MAP1S: variants seen among roughly 807,000 people sequenced by gnomAD.
MAP1S encodes microtubule associated protein 1S, also known as microtubule-associated protein 1S.
A neutral mutation model predicts 60.9 loss-of-function variants in MAP1S; 27 were observed. That is an observed-to-expected ratio of 0.44 (90% CI 0.33 to 0.61). The LOEUF (loss-of-function observed/expected upper bound fraction) is 0.61, where lower values mean the gene tolerates loss of function less well. Among genes scored for constraint, MAP1S ranks in the 20% least tolerant of loss-of-function variants. MAP1S has a pLI of 0.03. For missense variants in MAP1S, 1,608 were observed against 1,486.6 expected, an observed-to-expected ratio of 1.08 and a Z score of -1.34; for synonymous variants, 826 against 694.2, an observed-to-expected ratio of 1.19 and a Z score of -2.98.
Position 17,724,915 on chromosome 19 carries a change from G to C in MAP1S, c.304-134G>C. ...GACCTGGAGACTGCCTTCGTAGCTAGTTGAGCACTGGGCTGGTCGTGGGGT... is the reference window on the plus strand; with the variant it reads ...GACCTGGAGACTGCCTTCGTAGCTACTTGAGCACTGGGCTGGTCGTGGGGT... On this transcript the variant is annotated intron_variant, in intron 3 of 6. Transcript: ENST00000324096. 4.5e-6 allele frequency: 5 copies of C among 1,113,178 alleles called. No individual in the cohort carries two copies. In the South Asian group the frequency reaches 6.6e-5, roughly 15 times the overall value. The allele number at this position is 1,113,178 out of a possible 1,614,324, so 69.0% of individuals were successfully genotyped here.
At chr19:17,724,854 A>C (rs1255606481) in intron 3 of MAP1S, among the ~76,000 whole-genome samples, 195 bp from the exon 4 acceptor site, 2 of 152,038 alleles carry the variant, frequency 1.3e-5, no homozygotes, top group African/African-American at 2.4e-5. Flanking sequence ...TAGGATGAAT[A>C]GGAGTTTGCT....
rs761266324 is a variant in MAP1S at position 17,721,050 on chromosome 19, T to G, written c.220+13T>G. On this transcript the variant is annotated intron_variant, in intron 2 of 6. Transcript: ENST00000324096. ...AGCATTGTGAAAGGTGAGGCTGGGG[T>G]CCCCCTGACTGCTCCCTACCTCTTG... 4 of 1,603,358 alleles carry G rather than the reference T, an allele frequency of 2.5e-6. No individual in the cohort carries two copies. Among genetic ancestry groups the G allele is most frequent in the Non-Finnish European group, 2.6e-6 (3 of 1,170,500 alleles).
intron 2 of MAP1S, among the ~76,000 whole-genome samples, chr19:17,721,695 CAAA>C (rs370362650): frequency 6.6e-6 from 1 of 152,038 alleles, no homozygotes; most frequent in Admixed American, 6.6e-5. Flanking sequence ...AACAAACAAA[CAAA>C]AAACATCTGG....
rs1214785607 is a variant in MAP1S, at chr19:17,726,033, T to G, written c.649T>G (p.Ser217Ala). 1 of 1,612,814 alleles carries G rather than the reference T, an allele frequency of 6.2e-7. No individual in the cohort carries two copies. The highest frequency in any genetic ancestry group is 1.3e-5 in the African/African-American group (1 of 74,870). ...CGAATTCCTGGAGTACGTGGCTGAG[T>G]CTCTGGAGCCACCGTCCCCCTTCGA... is the stretch of plus-strand genomic sequence containing the variant. ...LCEFLEYVAE[S>A]LEPPSPFELL... Residue 217 changes from serine (S) to alanine (A), a missense_variant, in exon 5 of 7, where the codon TCT becomes GCT. Coordinates refer to ENST00000324096, the MANE Select transcript of MAP1S (RefSeq NM_018174.6).
Position 17,725,901 on chromosome 19 carries a change from G to A in MAP1S, c.517G>A (p.Gly173Ser), listed in dbSNP as rs1273934523. ...PILTITCPTF[G>S]DWAQLAPAVP... The stretch of plus-strand genomic sequence containing the variant: ...ACTCACCATCACCTGCCCCACCTTC[G>A]GTGACTGGGCTCAGCTGGCACCCGC... Residue 173 changes from glycine (G) to serine (S), a missense_variant, in exon 5 of 7, where the codon GGT becomes AGT. Gly to Ser is a moderately conservative substitution (Grantham distance 56). Coordinates refer to ENST00000324096, the MANE Select transcript of MAP1S (RefSeq NM_018174.6). This position sits in a 1 kb window ranked among gnomAD's most constrained non-coding sequence, Gnocchi z 4.2. 3 of 1,613,782 alleles carry A rather than the reference G, an allele frequency of 1.9e-6. No homozygotes were observed. The highest frequency in any genetic ancestry group is 2.2e-5 in the East Asian group (1 of 44,878).
chr19:17,724,286 G>A, intron 3 of MAP1S, 78 bp downstream of exon 3: 4 of 1,171,286 alleles, frequency 3.4e-6, no homozygotes, highest in Admixed American at 3.7e-5. Flanking sequence ...TCGTGTCCTT[G>A]TCTTCATGCT....
At chr19:17,723,576 C>T (rs888527277) in intron 2 of MAP1S, among the ~76,000 whole-genome samples, 7 of 142,008 alleles carry the variant, frequency 4.9e-5, no homozygotes, top group Admixed American at 7.0e-5. Context: ...AAAGGCCGGG[C>T]GCGGTGGCTC....
In MAP1S at chr19:17,733,320, C is replaced by T. The variant is rs142408858; in HGVS notation, c.2916C>T (p.Arg972=). 38 of 1,605,450 alleles carry T rather than the reference C, an allele frequency of 2.4e-5. No individual in the cohort carries two copies. The highest frequency in any genetic ancestry group is 2.7e-5 in the Non-Finnish European group (32 of 1,177,070). The change falls in exon 6 of 7, where the codon CGC becomes CGT. Residue 972 remains arginine (R), a synonymous_variant. Transcript: ENST00000324096. ...LVDEEFFQRV[R]ALCYVISGQD... The stretch of plus-strand genomic sequence containing the variant: ...ATGAGGAGTTCTTCCAGCGCGTGCG[C>T]GCGCTCTGCTACGTCATCAGTGGCC...
At position 17,726,227 on chromosome 19, in the gene MAP1S, C is replaced by T. The variant is rs766378496; in HGVS notation, c.843C>T (p.His281=). Residue 281 remains histidine, a synonymous_variant, in exon 5 of 7, where the codon CAC becomes CAT. Transcript: ENST00000324096. ...CCAGTTTCTGGAAGCTGGTGCGGCA[C>T]CTGGACCGCGTGGATGCCGTGCTGG... is the stretch of plus-strand genomic sequence containing the variant. The part of the protein sequence containing the change: ...PKSSFWKLVR[H]LDRVDAVLVT... 1.2e-6 allele frequency: 2 copies of T among 1,609,498 alleles called. No individual in the cohort carries two copies. The highest frequency in any genetic ancestry group is 8.5e-7 in the Non-Finnish European group (1 of 1,178,286).
rs3761055 is a variant in MAP1S, at chr19:17,725,022, T to G, written c.304-27T>G. 356,178 of 1,612,938 alleles carry G rather than the reference T, an allele frequency of 0.22. 43,568 individuals are homozygous for G. The highest frequency in any genetic ancestry group is 0.49 in the African/African-American group (36,632 of 74,802). On this transcript the variant is annotated intron_variant, in intron 3 of 6. Transcript: ENST00000324096. This position sits in a 1 kb window ranked among gnomAD's most constrained non-coding sequence, Gnocchi z 4.2. ...TGGATACGTCACTGCACAGAACGGG[T>G]CCTTTAGTGTTCACCCCCTCCCTCA... is the stretch of plus-strand genomic sequence containing the variant.
In MAP1S at chr19:17,725,738, G is replaced by T. The variant is rs1282194443; in HGVS notation, c.445-91G>T. 4.5e-5 allele frequency: 60 copies of T among 1,333,736 alleles called. No individual in the cohort carries two copies. Among genetic ancestry groups the T allele is most frequent in the Non-Finnish European group, 5.5e-5 (54 of 975,038 alleles). The allele number at this position is 1,333,736 out of a possible 1,614,324, so 82.6% of individuals were successfully genotyped here. Reference sequence around the variant, plus strand: ...AGGGCCCTGAGGAGCAGGCCCTGGGGGAAAGGATGAGGGTGTCCTCGCCCA... The same window carrying T: ...AGGGCCCTGAGGAGCAGGCCCTGGGTGAAAGGATGAGGGTGTCCTCGCCCA... On this transcript the variant is annotated intron_variant, in intron 4 of 6. Coordinates refer to ENST00000324096, the MANE Select transcript of MAP1S (RefSeq NM_018174.6). This position sits in a 1 kb window ranked among gnomAD's most constrained non-coding sequence, Gnocchi z 4.2.
Position 17,733,335 on chromosome 19 carries a change from C to T in MAP1S, c.2931C>T (p.Val977=), listed in dbSNP as rs1385259444. 2 of 1,609,252 alleles carry T rather than the reference C, an allele frequency of 1.2e-6. No homozygotes were observed. Among genetic ancestry groups the T allele is most frequent in the African/African-American group, 1.3e-5 (1 of 74,864 alleles). The change falls in exon 6 of 7, where the codon GTC becomes GTT. Residue 977 remains valine (V), a synonymous_variant. Coordinates refer to ENST00000324096, the MANE Select transcript of MAP1S (RefSeq NM_018174.6). Reference sequence around the variant, plus strand: ...AGCGCGTGCGCGCGCTCTGCTACGTCATCAGTGGCCAGGACCAGCGCAAGG... The same window carrying T: ...AGCGCGTGCGCGCGCTCTGCTACGTTATCAGTGGCCAGGACCAGCGCAAGG... The part of the protein sequence containing the change: ...FFQRVRALCY[V]ISGQDQRKEE...
Position 17,728,000 on chromosome 19 carries a change from C to G in MAP1S, c.2616C>G (p.Arg872=). ...AGCCCCTGGCCCGCCCCAACTCACG[C>G]GCTGCCGCCCCCAAAGCCACTCCAG... is the stretch of plus-strand genomic sequence containing the variant. ...TRKPLARPNS[R]AAAPKATPVA... The change falls in exon 5 of 7, where the codon CGC becomes CGG. Residue 872 remains arginine, a synonymous_variant. Transcript: ENST00000324096. The surrounding 1 kb of genome is among the most constrained non-coding windows in gnomAD (Gnocchi z 4.1). 1.9e-6 allele frequency: 3 copies of G among 1,611,046 alleles called. No individual in the cohort carries two copies. Among genetic ancestry groups the G allele is most frequent in the South Asian group, 2.2e-5 (2 of 90,824 alleles).
intron 1 of MAP1S, chr19:17,719,989 A>T: frequency 9.4e-6 from 4 of 425,474 alleles, no homozygotes; most frequent in East Asian, 1.5e-4. Context: ...GTCGCTTTGG[A>T]TCTCCAGGTC....
rs774692328 is a variant in MAP1S, at chr19:17,734,480, C to A, written c.*52C>A. The stretch of plus-strand genomic sequence containing the variant: ...AGCCCAGCCCGCCTGTCCCTAGATT[C>A]AGCCACATCAGAAATAAACTGTGAC... On this transcript the variant is annotated 3_prime_UTR_variant, in exon 7 of 7. Coordinates refer to ENST00000324096, the MANE Select transcript of MAP1S (RefSeq NM_018174.6). 1.3e-6 allele frequency: 2 copies of A among 1,565,050 alleles called. No homozygotes were observed. Among genetic ancestry groups the A allele is most frequent in the Non-Finnish European group, 1.7e-6 (2 of 1,154,228 alleles).
intron 1 of MAP1S, chr19:17,720,630 A>T: frequency 2.1e-6 from 2 of 953,168 alleles, no homozygotes; most frequent in Non-Finnish European, 3.0e-6. Flanking sequence ...GGCAGGGGAA[A>T]CAGCTGTTGC....
In MAP1S at chr19:17,726,326, G is replaced by A; in HGVS notation, c.942G>A (p.Glu314=). 6.2e-7 allele frequency: 1 copy of A among 1,603,316 alleles called. No individual in the cohort carries two copies. The change falls in exon 5 of 7, where the codon GAG becomes GAA. Residue 314 remains glutamate (E), a synonymous_variant. Transcript: ENST00000324096. ...GGCGCAAACTGGCGGAGCGCTCCGA[G>A]GTGGCTGCTGGTGGGGGCTCCTGGG... ...LLRRKLAERS[E]VAAGGGSWDD... is the part of the protein sequence containing the mutation.
chr19:17,720,580 C>T lies in MAP1S; in HGVS notation c.119-356C>T, dbSNP rs974969001. 1.7e-5 allele frequency: 23 copies of T among 1,364,126 alleles called. No individual in the cohort carries two copies. In the African/African-American group the frequency reaches 3.4e-4, roughly 20 times the overall value. The allele number at this position is 1,364,126 out of a possible 1,614,324, so 84.5% of individuals were successfully genotyped here. A position where few individuals can be genotyped will look rare whatever the true frequency, so the allele number is the denominator to read the frequency against. On this transcript the variant is annotated intron_variant, in intron 1 of 6. Coordinates refer to ENST00000324096, the MANE Select transcript of MAP1S (RefSeq NM_018174.6). ...TGCTGAGGGGGAAGGGCCCCCTGGC[C>T]AGTAGGAACAGGTGGGGGCGGCAGG...
rs777614576 is a variant in MAP1S at position 17,724,135 on chromosome 19, G to A, written c.230G>A (p.Ser77Asn). Residue 77 changes from serine (S) to asparagine (N), a missense_variant, in exon 3 of 7, where the codon AGC becomes AAC. Ser to Asn is a conservative substitution (Grantham distance 46). This residue lies in a region of MAP1S where 320 missense variants were observed against 393.1 expected (regional missense o/e 0.81). Coordinates refer to ENST00000324096, the MANE Select transcript of MAP1S (RefSeq NM_018174.6). ...TFSSIVKGQRSLHHRGDNLET... is the reference protein window; with the variant it reads ...TFSSIVKGQRNLHHRGDNLET... ...CCTGATTCCCCCACAGGCCAGCGGA[G>A]CCTGCACCACCGTGGAGACAACCTG... 2.0e-5 allele frequency: 33 copies of A among 1,613,740 alleles called. No homozygotes were observed. The highest frequency in any genetic ancestry group is 4.4e-5 in the South Asian group (4 of 91,086).
Sources: gnomAD v4.1 joint callset for allele counts (sites outside exome capture counted in the v4.1 genomes callset) on GRCh38, gnomAD v4.1.1 for gene constraint, gnomAD v4.1.1 regional missense constraint, Gnocchi (gnomAD v3.1) non-coding constraint, MANE v1.5 for transcripts, NCBI Gene and HGNC (gene_info 2026-07-23, HGNC 2026-07-21) for gene names.